The following PDE4D variants were observed in gnomAD, a reference collection of about 807,000 sequenced individuals.
PDE4D encodes the protein phosphodiesterase 4D.
PDE4D carries 24 observed loss-of-function variants against 87.4 expected under a neutral mutation model. That is an observed-to-expected ratio of 0.27 (90% confidence interval 0.20 to 0.39). The LOEUF is 0.39. Among genes scored for constraint, PDE4D ranks in the 10% least tolerant of loss-of-function variants. The pLI is 1.00. For missense variants in PDE4D, 714 were observed against 1,041.0 expected (o/e 0.69, Z 4.32); for synonymous variants, 384 against 383.2 (o/e 1.00, Z -0.02).
At chr5:59,060,336 T>C (rs960538370) in intron 5 of PDE4D, among the ~76,000 whole-genome samples, 5 of 150,532 alleles carry the variant, frequency 3.3e-5, no homozygotes, top group African/African-American at 5.0e-5. Context: ...ATATCTGTCT[T>C]CCTTAAGCCA....
intron 2 of PDE4D, among the ~76,000 whole-genome samples, chr5:59,992,915 T>C (rs1237113589): frequency 1.3e-5 from 2 of 152,202 alleles, no homozygotes; most frequent in African/African-American, 2.4e-5. Flanking sequence ...GTATCAGTTA[T>C]GGTTCAGAAA....
intron 5 of PDE4D, among the ~76,000 whole-genome samples, chr5:59,127,143 T>G (rs946548086): frequency 1.3e-5 from 2 of 152,218 alleles, no homozygotes; most frequent in African/African-American, 4.8e-5. Flanking sequence ...CTTTGCCATT[T>G]TCTCAGGCAG....
chr5:59,196,996 G>A (rs1181208186), intron 2 of PDE4D, among the ~76,000 whole-genome samples: 1 of 151,990 alleles, frequency 6.6e-6, no homozygotes, highest in African/African-American at 2.4e-5. Flanking sequence ...AAAATAATAT[G>A]ACATCTTCTT....
At chr5:59,849,943 A>G (rs1055869213) in intron 1 of PDE4D, among the ~76,000 whole-genome samples, 1 of 151,990 alleles carries the variant, frequency 6.6e-6, no homozygotes, top group Non-Finnish European at 1.5e-5. Flanking sequence ...CAGTTGATAT[A>G]TTTACTTGGT....
chr5:59,395,529 T>G (rs1305447904), intron 1 of PDE4D, among the ~76,000 whole-genome samples: 1 of 151,682 alleles, frequency 6.6e-6, no homozygotes, highest in Non-Finnish European at 1.5e-5. Flanking sequence ...GTCCTGTCTG[T>G]TAGAAGGAAA....
chr5:59,731,222 T>TA (rs34628347), intron 1 of PDE4D, among the ~76,000 whole-genome samples: 71,298 of 151,804 alleles, frequency 0.47, 19,356 homozygotes, highest in African/African-American at 0.75. Flanking sequence ...GCTGGGTTTA[T>TA]ATAAGCTGAG....
intron 2 of PDE4D, among the ~76,000 whole-genome samples, chr5:60,113,859 G>A (rs1446806772): frequency 6.6e-6 from 1 of 152,010 alleles, no homozygotes. Context: ...AACGTCTAGA[G>A]GCCACCTAAA....
rs200271764 is a variant in PDE4D at position 59,355,804 on chromosome 5, ATAAT to A, written c.456-139840_456-139837del. 2.6e-3 allele frequency among the ~76,000 whole-genome samples: 396 copies of A among 152,288 alleles called. 1 individual carries two copies. Among genetic ancestry groups the A allele is most frequent in the Admixed American group, 3.9e-3 (60 of 15,296 alleles). The stretch of plus-strand genomic sequence containing the variant: ...TTATCTTCTTTAGTGTCTAAAGCAA[ATAAT>A]TAATCCTTATAAATTATTTTAATTC... On this transcript the variant is annotated intron_variant, in intron 1 of 14. Coordinates refer to ENST00000340635, the MANE Select transcript of PDE4D (RefSeq NM_001104631.2).
At chr5:59,157,099 A>G in intron 5 of PDE4D, 2 of 410,038 alleles carry the variant, frequency 4.9e-6, no homozygotes, top group Non-Finnish European at 8.6e-6. Flanking sequence ...ACTTTTTGTG[A>G]GAAAATGTAT....
At chr5:60,208,899 G>A (rs773535810) in intron 1 of PDE4D, among the ~76,000 whole-genome samples, 7 of 152,114 alleles carry the variant, frequency 4.6e-5, no homozygotes, top group Non-Finnish European at 7.3e-5. Context: ...AGGAGGTGCC[G>A]GCAAGACAGA....
intron 5 of PDE4D, among the ~76,000 whole-genome samples, chr5:59,154,243 C>T (rs1210766343): frequency 2.0e-5 from 3 of 152,106 alleles, no homozygotes; most frequent in Admixed American, 6.6e-5. Context: ...CAACAGAGAT[C>T]GACCATTTAA....
At chr5:59,673,844 T>C (rs1747627164) in intron 1 of PDE4D, among the ~76,000 whole-genome samples, 1 of 152,190 alleles carries the variant, frequency 6.6e-6, no homozygotes, top group African/African-American at 2.4e-5. Flanking sequence ...TATGACATTG[T>C]CCCTCTCTTG....
chr5:59,515,288 C>CT lies in PDE4D; in HGVS notation c.456-299321dup, dbSNP rs1810963211. On this transcript the variant is annotated intron_variant, in intron 1 of 14. Transcript: ENST00000340635. ...ATTTAACAGTCTTTTGAAAGCATTG[C>CT]TTTTTTTGGACAAGTGTCCTCACTG... Among the ~76,000 whole-genome samples, 5 of 152,184 alleles carry CT rather than the reference C, an allele frequency of 3.3e-5. No homozygotes were observed. In the South Asian group the frequency reaches 8.3e-4, roughly 25 times the overall value.
chr5:59,831,774 G>A (rs1741287025), intron 1 of PDE4D, among the ~76,000 whole-genome samples: 1 of 152,092 alleles, frequency 6.6e-6, no homozygotes, highest in African/African-American at 2.4e-5. Context: ...AGTGCAGGAA[G>A]AAGGCACAGG....
At chr5:59,330,383 G>A (rs1234084250) in intron 1 of PDE4D, among the ~76,000 whole-genome samples, 1 of 151,778 alleles carries the variant, frequency 6.6e-6, no homozygotes, top group East Asian at 1.9e-4. Flanking sequence ...CGCTAAACTA[G>A]CCCCAGGCAA....
intron 1 of PDE4D, among the ~76,000 whole-genome samples, chr5:60,458,450 T>C (rs1399935965): frequency 6.7e-6 from 1 of 148,836 alleles, no homozygotes; most frequent in African/African-American, 2.5e-5. Context: ...CTTGCTTAAA[T>C]TCTATTCGCA....
intron 2 of PDE4D, among the ~76,000 whole-genome samples, chr5:60,103,304 T>A (rs1397902327): frequency 6.6e-6 from 1 of 152,160 alleles, no homozygotes; most frequent in Non-Finnish European, 1.5e-5. Flanking sequence ...TGGGTGGACA[T>A]GAACCGAGTA....
chr5:59,156,331 A>ATGTGTG lies in PDE4D; in HGVS notation c.808+24258_808+24263dup, dbSNP rs60467130. On this transcript the variant is annotated intron_variant, in intron 5 of 14. Coordinates refer to ENST00000340635, the MANE Select transcript of PDE4D (RefSeq NM_001104631.2). ...CCAGAAAAAAAAAAAATATATATAT[A>ATGTGTG]TGTGTGTGTGTGTGTGTGTGTGTGT... Among the ~76,000 whole-genome samples, 103 of 122,750 alleles carry ATGTGTG rather than the reference A, an allele frequency of 8.4e-4. 2 individuals carry two copies. In the East Asian group the frequency reaches 0.01, roughly 12 times the overall value. The allele number at this position is 122,750 out of a possible 152,430, so 80.5% of individuals were successfully genotyped here.
chr5:59,570,317 C>A (rs1383652925), intron 1 of PDE4D, among the ~76,000 whole-genome samples: 1 of 152,302 alleles, frequency 6.6e-6, no homozygotes, highest in East Asian at 1.9e-4. Flanking sequence ...AGTATTAATA[C>A]ATGCATTCCC....
Sources: allele counts gnomAD v4.1 joint callset (sites outside exome capture counted in the v4.1 genomes callset), GRCh38; gene constraint gnomAD v4.1.1; transcripts MANE v1.5; gene names NCBI Gene and HGNC (gene_info 2026-07-23, HGNC 2026-07-21).